Variants in NEBL observed in about 807,000 individuals in gnomAD.
NEBL encodes LIM and SH3 protein 2.
A neutral mutation model predicts 140.2 loss-of-function variants in NEBL; 122 were observed. The observed-to-expected ratio is 0.87, with a 90% CI of 0.75 to 1.01. The LOEUF (loss-of-function observed/expected upper bound fraction) is 1.01, where lower values mean the gene tolerates loss of function less well. Ranked by LOEUF, NEBL falls within the 50% of genes least tolerant of loss-of-function variation. The pLI is 0.00. For missense variants in NEBL, 1,365 were observed against 1,231.3 expected (o/e 1.11, Z -1.62); for synonymous variants, 436 against 398.9 (o/e 1.09, Z -1.11).
intron 3 of NEBL, among the ~76,000 whole-genome samples, chr10:20,988,313 A>G (rs1409021112): frequency 6.6e-6 from 1 of 152,112 alleles, no homozygotes; most frequent in African/African-American, 2.4e-5. Context: ...CCCTTTCCAC[A>G]TTACTCTGCC....
At chr10:21,002,769 A>G (rs1837960668) in intron 3 of NEBL, among the ~76,000 whole-genome samples, 1 of 152,142 alleles carries the variant, frequency 6.6e-6, no homozygotes, top group African/African-American at 2.4e-5. Flanking sequence ...TCACGAGAAC[A>G]ACAAGGGGGA....
rs1589024891 is a variant in NEBL, at chr10:20,927,163, T to C, written c.357+34509A>G. Among the ~76,000 whole-genome samples the C allele has an allele frequency of 2.6e-5, 4 of 152,276 alleles. No individual in the cohort carries two copies. In the South Asian group the frequency reaches 8.3e-4, roughly 32 times the overall value. On this transcript the variant is annotated intron_variant, in intron 4 of 6. Transcript: ENST00000417816. ...GCCACTGTGTGTCCAGTGATAACATTAAATAAGATGGGGAATGAAGAAGAA... is the reference window on the plus strand; with the variant it reads ...GCCACTGTGTGTCCAGTGATAACATCAAATAAGATGGGGAATGAAGAAGAA...
chr10:21,169,118 A>T (rs76575400), intron 2 of NEBL, among the ~76,000 whole-genome samples: 1 of 127,470 alleles, frequency 7.8e-6, no homozygotes. Context: ...TTGGACATAT[A>T]ATTAGATCAA....
At chr10:20,909,629 A>G (rs574488727) in intron 4 of NEBL, among the ~76,000 whole-genome samples, 33 of 152,332 alleles carry the variant, frequency 2.2e-4, no homozygotes, top group African/African-American at 7.0e-4. Flanking sequence ...TGCTAATTGA[A>G]AATAGTATTA....
intron 3 of NEBL, among the ~76,000 whole-genome samples, chr10:20,965,648 T>C (rs972112141): frequency 2.0e-5 from 3 of 152,186 alleles, no homozygotes; most frequent in African/African-American, 7.2e-5. Context: ...GAGGTTTGTA[T>C]GCGGAACAGC....
intron 4 of NEBL, among the ~76,000 whole-genome samples, chr10:20,884,764 T>C (rs788959): frequency 0.94 from 142,847 of 152,344 alleles, 67,396 homozygotes; most frequent in Non-Finnish European, 1. Context: ...AATGCCTGAG[T>C]AGCGTGAATT....
chr10:21,240,905 C>CAG (rs1159450139), intron 3 of NEBL, among the ~76,000 whole-genome samples: 6 of 129,350 alleles, frequency 4.6e-5, no homozygotes, highest in Admixed American at 4.4e-4. Flanking sequence ...AACACGCACA[C>CAG]ATACACACAC....
At chr10:21,276,268 A>C (rs1439372995) in intron 1 of NEBL, among the ~76,000 whole-genome samples, 2 of 152,070 alleles carry the variant, frequency 1.3e-5, no homozygotes, top group African/African-American at 4.8e-5. Context: ...CACCACGCCC[A>C]GCCCAACTTA....
At chr10:21,235,921 C>A (rs964013421) in intron 3 of NEBL, among the ~76,000 whole-genome samples, 1 of 152,144 alleles carries the variant, frequency 6.6e-6, no homozygotes, top group Non-Finnish European at 1.5e-5. Flanking sequence ...TCAGTCAAAT[C>A]TCTGAGAACA....
chr10:21,179,000 G>A (rs1841345340), upstream of NEBL, among the ~76,000 whole-genome samples: 1 of 152,206 alleles, frequency 6.6e-6, no homozygotes, highest in South Asian at 2.1e-4. Context: ...CACAGGAAAA[G>A]GGACTTTGCA....
chr10:20,908,737 G>A (rs547042745), intron 4 of NEBL, among the ~76,000 whole-genome samples: 16 of 152,178 alleles, frequency 1.1e-4, no homozygotes, highest in Admixed American at 3.3e-4. Context: ...ATAGCAGCCA[G>A]CGCCACACAG....
chr10:21,092,807 G>T (rs1440924498), intron 2 of NEBL, among the ~76,000 whole-genome samples: 2 of 152,014 alleles, frequency 1.3e-5, no homozygotes, highest in Non-Finnish European at 2.9e-5. Context: ...TATGAAGAAT[G>T]AATCGAGTAA....
At chr10:20,973,804 A>C (rs1051503430) in intron 3 of NEBL, among the ~76,000 whole-genome samples, 42 of 152,220 alleles carry the variant, frequency 2.8e-4, no homozygotes, top group African/African-American at 8.7e-4. Flanking sequence ...CTAGTGAATA[A>C]AACTCTAAGA....
chr10:20,858,197 G>A (rs754984459), intron 9 of NEBL, 43 bp downstream of exon 9: 3 of 1,473,000 alleles, frequency 2.0e-6, no homozygotes, highest in Admixed American at 1.7e-5. Flanking sequence ...TGGCTTCTTG[G>A]AGCCACAAGG....
chr10:20,924,791 C>T (rs191360963), intron 4 of NEBL, among the ~76,000 whole-genome samples: 11 of 152,174 alleles, frequency 7.2e-5, no homozygotes, highest in East Asian at 3.9e-4. Context: ...AGATTACAAA[C>T]GGTCGTTCAG....
intron 3 of NEBL, among the ~76,000 whole-genome samples, chr10:21,197,028 A>G (rs1217459724): frequency 6.6e-6 from 1 of 152,198 alleles, no homozygotes; most frequent in Non-Finnish European, 1.5e-5. Flanking sequence ...TGGATCTCAT[A>G]GTTACAAACT....
At chr10:21,028,235 C>CAAAAAAAAAAAAAAAAAAAA (rs1168946872) in intron 2 of NEBL, among the ~76,000 whole-genome samples, 2 of 66,216 alleles carry the variant, frequency 3.0e-5, no homozygotes, top group African/African-American at 7.0e-5. Flanking sequence ...TCAAACATCT[C>CAAAAAAAAAAAAAAAAAAAA]AAAAAAAAAA....
In NEBL at chr10:20,982,226, C is replaced by T. The variant is rs555231179; in HGVS notation, c.250-20447G>A. On this transcript the variant is annotated intron_variant, in intron 3 of 6. Transcript: ENST00000417816. ...GTAGTTACAGAAAATTCGGAAACAT[C>T]GTCAAATGTTGTTTAAATATTTTTT... 1.6e-4 allele frequency among the ~76,000 whole-genome samples: 24 copies of T among 151,996 alleles called. No individual in the cohort carries two copies. In the East Asian group the frequency reaches 3.7e-3, roughly 23 times the overall value.
chr10:20,843,537 AG>A (rs1269667122), intron 12 of NEBL, among the ~76,000 whole-genome samples: 1 of 130,538 alleles, frequency 7.7e-6, no homozygotes, highest in Non-Finnish European at 1.6e-5. Flanking sequence ...GATTAAAAAA[AG>A]ATTCTCCTTT....
Sources: gnomAD v4.1 joint callset for allele counts (sites outside exome capture counted in the v4.1 genomes callset) on GRCh38, gnomAD v4.1.1 for gene constraint, MANE v1.5 for transcripts, NCBI Gene and HGNC (gene_info 2026-07-23, HGNC 2026-07-21) for gene names.